The following SPAG5 variants were observed in gnomAD, a reference collection of about 807,000 sequenced individuals.
The protein encoded by SPAG5 is sperm-associated antigen 5.
SPAG5 carries 99 observed loss-of-function variants against 145.4 expected under a neutral mutation model. The observed-to-expected ratio is 0.68, with a 90% confidence interval of 0.58 to 0.80. The LOEUF is 0.80. SPAG5 is among the 30% of genes least tolerant of loss of function. The pLI, the probability that SPAG5 is intolerant of heterozygous loss-of-function variation, is 0.00. For missense variants in SPAG5, 1,192 were observed against 1,416.0 expected, an observed-to-expected ratio of 0.84 and a Z score of 2.54; for synonymous variants, 477 against 525.4, an observed-to-expected ratio of 0.91 and a Z score of 1.26.
chr17:28,590,383 C>T (rs1200996908), intron 4 of SPAG5, among the ~76,000 whole-genome samples: 5 of 152,074 alleles, frequency 3.3e-5, no homozygotes, highest in Non-Finnish European at 5.9e-5. Context: ...CACACACCAC[C>T]ACACCCAGCT....
In SPAG5 at chr17:28,591,970, A is replaced by G. The variant is rs559029806; in HGVS notation, c.1262+12T>C. 2.4e-5 allele frequency: 38 copies of G among 1,613,172 alleles called. No individual in the cohort carries two copies. The South Asian group carries it at 4.2e-4, about 18-fold the overall frequency. On this transcript the variant is annotated intron_variant, in intron 3 of 23. Coordinates refer to ENST00000321765, the MANE Select transcript of SPAG5 (RefSeq NM_006461.4). ...TGGAACTCACGAGGTGCAAGGACAT[A>G]GGGGCGCTTACCCACACAGGAGCTG...
chr17:28,581,292 G>GA (rs2070547579), intron 15 of SPAG5, among the ~76,000 whole-genome samples: 1 of 152,180 alleles, frequency 6.6e-6, no homozygotes, highest in South Asian at 2.1e-4. Flanking sequence ...CCTCAGTCCT[G>GA]AAGTAGCTGT....
chr17:28,593,141 G>C (rs1389232587), intron 2 of SPAG5, 75 bp from the exon 3 acceptor site: 1 of 1,513,628 alleles, frequency 6.6e-7, no homozygotes, highest in African/African-American at 1.4e-5. Flanking sequence ...GTGCAAGATA[G>C]TGCACTCAAA....
rs201475323 is a variant in SPAG5 at position 28,591,676 on chromosome 17, G to T, written c.1437+22C>A. The T allele has an allele frequency of 1.5e-4, 239 of 1,584,994 alleles. 3 individuals carry two copies. The South Asian group carries it at 2.4e-3, about 16-fold the overall frequency. ...AAGGATCCCCACTGGGATCCCTCAA[G>T]CTTTGAGAGGAACCTTCTTACCCCA... On this transcript the variant is annotated intron_variant, in intron 4 of 23. Transcript: ENST00000321765.
intron 1 of SPAG5, 55 bp from the exon 2 acceptor site, chr17:28,598,690 C>A: frequency 6.4e-7 from 1 of 1,558,536 alleles, no homozygotes; most frequent in East Asian, 2.3e-5. Flanking sequence ...GTTCTGCCAG[C>A]CCGCCCCTCC....
intron 17 of SPAG5, 76 bp from the exon 18 acceptor site, chr17:28,579,561 A>T (rs1226918044): frequency 1.8e-5 from 28 of 1,527,950 alleles, no homozygotes; most frequent in Non-Finnish European, 2.1e-5. Context: ...TCATTTCCAC[A>T]ACTCTTATCC....
chr17:28,579,687 C>T (rs2070537007), intron 17 of SPAG5, 64 bp downstream of exon 17: 25 of 1,510,316 alleles, frequency 1.7e-5, no homozygotes, highest in Admixed American at 3.4e-5. Flanking sequence ...TCACTGCTTT[C>T]GTCTTTACTC....
intron 2 of SPAG5, among the ~76,000 whole-genome samples, chr17:28,596,993 A>G (rs1032971097): frequency 1.3e-5 from 2 of 152,160 alleles, no homozygotes; most frequent in Admixed American, 1.3e-4. Flanking sequence ...AGGCTGAGAC[A>G]GAAGAATCGC....
At chr17:28,585,471 G>C in intron 8 of SPAG5, 60 bp from the exon 9 acceptor site, 1 of 1,613,630 alleles carries the variant, frequency 6.2e-7, no homozygotes, top group Non-Finnish European at 8.5e-7. Flanking sequence ...CAAAGTGGGA[G>C]TATGCAACTA....
In SPAG5 at chr17:28,578,471, T is replaced by C. The variant is rs1460557298; in HGVS notation, c.3256A>G (p.Thr1086Ala). 1 of 1,613,560 alleles carries C rather than the reference T, an allele frequency of 6.2e-7. No individual in the cohort carries two copies. Among genetic ancestry groups the C allele is most frequent in the African/African-American group, 1.3e-5 (1 of 75,032 alleles). ...TRSLRRAETETKVLQEALAGQ... is the reference protein window; with the variant it reads ...TRSLRRAETEAKVLQEALAGQ... ...GCCAGGGCCTCCTGGAGCACTTTGG[T>C]CTCTGTCTCCGCACGCCGAAGTGAG... Residue 1086 changes from threonine to alanine, a missense_variant, in exon 21 of 24, where the codon ACC (threonine) becomes GCC (alanine). Coordinates refer to ENST00000321765, the MANE Select transcript of SPAG5 (RefSeq NM_006461.4).
chr17:28,585,145 T>A lies in SPAG5; in HGVS notation c.2024A>T (p.Gln675Leu). The change falls in exon 10 of 24, where the codon CAA becomes CTA. Residue 675 changes from glutamine to leucine, a missense_variant. By Grantham distance (113) the Gln-to-Leu change is moderately radical. This residue lies in a region of SPAG5 where 709 missense variants were observed against 840.7 expected (regional missense o/e 0.84). Coordinates refer to ENST00000321765, the MANE Select transcript of SPAG5 (RefSeq NM_006461.4). The stretch of plus-strand genomic sequence containing the variant: ...TGCCACATCACGTTCCTGCAGGGCT[T>A]GCTGGCTCTTGACTGTGAGTTTCTC... Reference protein sequence around the residue: ...LTEKLTVKSQQALQERDVAIE... With the variant: ...LTEKLTVKSQLALQERDVAIE... The A allele has an allele frequency of 1.2e-6, 2 of 1,614,250 alleles. No homozygotes were observed. Among genetic ancestry groups the A allele is most frequent in the Non-Finnish European group, 1.7e-6 (2 of 1,180,046 alleles).
intron 10 of SPAG5, 120 bp downstream of exon 10, chr17:28,584,982 C>T (rs750745502): frequency 2.1e-6 from 2 of 963,502 alleles, no homozygotes; most frequent in Non-Finnish European, 3.3e-6. Flanking sequence ...GCTAAGAGAC[C>T]TTACTGGCTG....
At position 28,577,959 on chromosome 17, in the gene SPAG5, C is replaced by T. The variant is rs767439276; in HGVS notation, c.3510+51G>A. The T allele has an allele frequency of 6.0e-6, 9 of 1,496,700 alleles. 1 individual carries two copies. In the Admixed American group the frequency reaches 1.5e-4, roughly 25 times the overall value. The allele number at this position is 1,496,700 out of a possible 1,614,324, so 92.7% of individuals were successfully genotyped here. On this transcript the variant is annotated intron_variant, in intron 23 of 23. Transcript: ENST00000321765. ...CTGTGCTCATTAGTACCTCCTGGGG[C>T]CAGGCCTTGTACCAGGTTCATTAGT... is the stretch of plus-strand genomic sequence containing the variant.
chr17:28,584,821 T>C (rs544561281), intron 10 of SPAG5, 76 bp from the exon 11 acceptor site: 1 of 1,175,290 alleles, frequency 8.5e-7, no homozygotes, highest in Non-Finnish European at 1.3e-6. Flanking sequence ...AGCTTCTCTT[T>C]CTGGACAAGA....
intron 15 of SPAG5, among the ~76,000 whole-genome samples, chr17:28,580,940 ACAGT>A (rs772356260): frequency 3.9e-5 from 6 of 152,222 alleles, no homozygotes; most frequent in Non-Finnish European, 7.3e-5. Flanking sequence ...AGAAGGTTCC[ACAGT>A]CAATCTGTCA....
Position 28,578,055 on chromosome 17 carries a change from G to A in SPAG5, c.3465C>T (p.Asp1155=), listed in dbSNP as rs2070518336. ...TGTCATCTAGTTTTTCTAACTCCTT[G>A]TCAGAGCGCCGAAGGTTCTCCTCTA... The part of the protein sequence containing the change: ...NILEENLRRS[D]KELEKLDDIV... Residue 1155 remains aspartate, a synonymous_variant, in exon 23 of 24, where the codon GAC becomes GAT. Transcript: ENST00000321765. 6.2e-7 allele frequency: 1 copy of A among 1,613,988 alleles called. No homozygotes were observed. Among genetic ancestry groups the A allele is most frequent in the Non-Finnish European group, 8.5e-7 (1 of 1,179,972 alleles).
chr17:28,596,722 T>A (rs937690444), intron 2 of SPAG5, among the ~76,000 whole-genome samples: 4 of 152,218 alleles, frequency 2.6e-5, no homozygotes, highest in African/African-American at 4.8e-5. Context: ...TCTATAGAGC[T>A]AATTTCCACC....
intron 18 of SPAG5, 27 bp from the exon 19 acceptor site, chr17:28,579,279 T>C (rs1224183329): frequency 6.2e-7 from 1 of 1,613,826 alleles, no homozygotes; most frequent in African/African-American, 1.3e-5. Context: ...TTTAGCAACA[T>C]TCCTGTCCTC....
At chr17:28,583,338 T>C (rs1471749518) in intron 15 of SPAG5, among the ~76,000 whole-genome samples, 173 bp downstream of exon 15, 1 of 152,136 alleles carries the variant, frequency 6.6e-6, no homozygotes, top group East Asian at 1.9e-4. Context: ...AAAGTGTTCA[T>C]AATAGGGAGA....
Sources: gnomAD v4.1 joint callset for allele counts (sites outside exome capture counted in the v4.1 genomes callset) on GRCh38, gnomAD v4.1.1 for gene constraint, gnomAD v4.1.1 regional missense constraint, MANE v1.5 for transcripts, NCBI Gene and HGNC (gene_info 2026-07-23, HGNC 2026-07-21) for gene names.